The following C5AR1 variants were observed in gnomAD, a reference collection of about 807,000 sequenced individuals.
The protein encoded by C5AR1 is complement C5a receptor 1.
C5AR1 carries 4 observed loss-of-function variants against 2.4 expected under a neutral mutation model. The observed-to-expected ratio is 1.65, with a 90% CI of 0.81 to 3.77. C5AR1 has a LOEUF of 3.77. C5AR1 is among the 30% of genes most tolerant of loss of function. The probability of loss-of-function intolerance (pLI) is 0.01; values close to 1 mark genes in which losing one functional copy is unlikely to be tolerated. For synonymous variants in C5AR1, 209 were observed against 210.4 expected, an observed-to-expected ratio of 0.99 and a Z score of 0.06; for missense variants, 418 against 462.5, an observed-to-expected ratio of 0.90 and a Z score of 0.88.
In C5AR1 at chr19:47,320,289, C is replaced by A; in HGVS notation, c.512C>A (p.Ser171Tyr). 1 of 1,612,726 alleles carries A rather than the reference C, an allele frequency of 6.2e-7. No individual in the cohort carries two copies. Among genetic ancestry groups the A allele is most frequent in the Non-Finnish European group, 8.5e-7 (1 of 1,180,028 alleles). Reference sequence around the variant, plus strand: ...TTAGCCCTGCTGCTGACCATACCCTCCTTCCTGTACCGGGTGGTCCGGGAG... The same window carrying A: ...TTAGCCCTGCTGCTGACCATACCCTACTTCCTGTACCGGGTGGTCCGGGAG... ...WGLALLLTIPSFLYRVVREEY... is the reference protein window; with the variant it reads ...WGLALLLTIPYFLYRVVREEY... The change falls in exon 2 of 2, where the codon TCC becomes TAC. Residue 171 changes from serine to tyrosine, a missense_variant. Physicochemically the swap from Ser to Tyr is moderately radical, Grantham distance 144 (BLOSUM62 -2). Coordinates refer to ENST00000355085, the MANE Select transcript of C5AR1 (RefSeq NM_001736.4). This position sits in a 1 kb window ranked among gnomAD's most constrained non-coding sequence, Gnocchi z 4.9.
chr19:47,318,902 T>C, intron 1 of C5AR1, among the ~76,000 whole-genome samples: 1 of 148,980 alleles, frequency 6.7e-6, no homozygotes, highest in East Asian at 2.0e-4. Context: ...TTTTTTTTTT[T>C]TTAGATGGAG....
Position 47,314,013 on chromosome 19 carries a change from C to A in C5AR1, c.3+4115C>A, listed in dbSNP as rs546040291. Among the ~76,000 whole-genome samples, 284 of 152,196 alleles carry A rather than the reference C, an allele frequency of 1.9e-3. 1 individual carries two copies. Among genetic ancestry groups the A allele is most frequent in the African/African-American group, 6.6e-3 (276 of 41,534 alleles). Reference sequence around the variant, plus strand: ...GTAGGTACTGCGCCTTCTCCTTCACCCTGTTCTCATCCGATCGTTCACATC... The same window carrying A: ...GTAGGTACTGCGCCTTCTCCTTCACACTGTTCTCATCCGATCGTTCACATC... On this transcript the variant is annotated intron_variant, in intron 1 of 1. Transcript: ENST00000355085.
intron 1 of C5AR1, among the ~76,000 whole-genome samples, chr19:47,318,845 C>T (rs1156969919): frequency 1.3e-5 from 2 of 148,252 alleles, no homozygotes; most frequent in Non-Finnish European, 3.0e-5. Context: ...TCCTTCAGCT[C>T]TGTCTGGGAA....
chr19:47,312,974 G>A (rs1055721953), intron 1 of C5AR1, among the ~76,000 whole-genome samples: 1 of 151,990 alleles, frequency 6.6e-6, no homozygotes, highest in African/African-American at 2.4e-5. Flanking sequence ...CTAATATTTG[G>A]TCTGTTTTGT....
chr19:47,308,177 C>CACT (rs2122124504), upstream of C5AR1, among the ~76,000 whole-genome samples: 1 of 137,376 alleles, frequency 7.3e-6, no homozygotes, highest in East Asian at 2.3e-4. Flanking sequence ...CGTGCCACTG[C>CACT]ACTCTAGCCT....
upstream of C5AR1, among the ~76,000 whole-genome samples, chr19:47,308,393 A>G (rs907476502): frequency 8.6e-5 from 13 of 152,004 alleles, no homozygotes; most frequent in Non-Finnish European, 1.6e-4. Flanking sequence ...CTGATTCTAC[A>G]TTATGTTGAA....
rs1458436274 is a variant in C5AR1 at position 47,321,630 on chromosome 19, AC to A, written c.*801del. On this transcript the variant is annotated 3_prime_UTR_variant, in exon 2 of 2. Transcript: ENST00000355085. ...TCTCAAAAGCAAAGCAAAAACAAAA[AC>A]AAAAACACCTAAAAAACCTGCAGTT... 1 of 152,110 alleles carries A rather than the reference AC, an allele frequency of 6.6e-6. No individual in the cohort carries two copies. Among genetic ancestry groups the A allele is most frequent in the Non-Finnish European group, 1.5e-5 (1 of 68,016 alleles). The allele number at this position is 152,110 out of a possible 1,614,324, so 9.4% of individuals were successfully genotyped here.
intron 1 of C5AR1, among the ~76,000 whole-genome samples, chr19:47,315,831 T>C (rs944686056): frequency 6.6e-6 from 1 of 152,046 alleles, no homozygotes. Flanking sequence ...AACCTTCTAT[T>C]TGGAAATATT....
chr19:47,312,072 C>A (rs141760887), intron 1 of C5AR1, among the ~76,000 whole-genome samples: 3 of 152,116 alleles, frequency 2.0e-5, no homozygotes, highest in Admixed American at 1.3e-4. Context: ...CTGTCCTCTC[C>A]GTGCTTCTGT....
Position 47,321,760 on chromosome 19 carries a change from C to CA in C5AR1, c.*931dup, listed in dbSNP as rs1280815813. 6 of 152,108 alleles carry CA rather than the reference C, an allele frequency of 3.9e-5. No homozygotes were observed. The highest frequency in any genetic ancestry group is 8.8e-5 in the Non-Finnish European group (6 of 68,042). The allele number at this position is 152,108 out of a possible 1,614,324, so 9.4% of individuals were successfully genotyped here. The stretch of plus-strand genomic sequence containing the variant: ...AGAGGGATCTTGTGTACCCTTCACC[C>CA]AGCCTCCCCCAATGGCAACATCTTG... On this transcript the variant is annotated 3_prime_UTR_variant, in exon 2 of 2. Coordinates refer to ENST00000355085, the MANE Select transcript of C5AR1 (RefSeq NM_001736.4).
intron 1 of C5AR1, among the ~76,000 whole-genome samples, chr19:47,311,128 G>A (rs190383114): frequency 5.9e-5 from 9 of 152,150 alleles, no homozygotes; most frequent in Admixed American, 2.0e-4. Context: ...CTTGAGATCC[G>A]ACTTGGGCAA....
At chr19:47,314,275 T>C (rs2059279337) in intron 1 of C5AR1, among the ~76,000 whole-genome samples, 1 of 152,230 alleles carries the variant, frequency 6.6e-6, no homozygotes, top group Admixed American at 6.5e-5. Flanking sequence ...GGGAAGCACA[T>C]GGAATAGTGC....
Position 47,309,916 on chromosome 19 carries a change from A to G in C5AR1, c.3+18A>G, listed in dbSNP as rs767563852. 19 of 1,609,646 alleles carry G rather than the reference A, an allele frequency of 1.2e-5. No individual in the cohort carries two copies. The highest frequency in any genetic ancestry group is 1.5e-5 in the Non-Finnish European group (18 of 1,177,980). ...AGAACATGGTGAGTCTCGAAGGGGA[A>G]TGGGAGCAGGAAACTTTGTCCTGGG... On this transcript the variant is annotated intron_variant, in intron 1 of 1. Coordinates refer to ENST00000355085, the MANE Select transcript of C5AR1 (RefSeq NM_001736.4).
At chr19:47,314,089 A>G (rs2122132732) in intron 1 of C5AR1, among the ~76,000 whole-genome samples, 2 of 152,272 alleles carry the variant, frequency 1.3e-5, no homozygotes, top group South Asian at 4.1e-4. Context: ...CGTCACCTGG[A>G]CAGTTCCAAT....
chr19:47,314,190 A>G (rs1249186866), intron 1 of C5AR1, among the ~76,000 whole-genome samples: 1 of 152,138 alleles, frequency 6.6e-6, no homozygotes, highest in African/African-American at 2.4e-5. Context: ...TTTAGGAAGA[A>G]TAATAGTACC....
At chr19:47,315,433 G>T (rs1040437908) in intron 1 of C5AR1, among the ~76,000 whole-genome samples, 1 of 152,156 alleles carries the variant, frequency 6.6e-6, no homozygotes, top group Non-Finnish European at 1.5e-5. Flanking sequence ...GGCAGGAACG[G>T]AGCTTTGTCA....
In C5AR1 at chr19:47,315,466, G is replaced by A. The variant is rs372520330; in HGVS notation, c.4-4315G>A. Among the ~76,000 whole-genome samples, 27 of 152,310 alleles carry A rather than the reference G, an allele frequency of 1.8e-4. 1 individual carries two copies. In the South Asian group the frequency reaches 4.8e-3, roughly 27 times the overall value. On this transcript the variant is annotated intron_variant, in intron 1 of 1. Transcript: ENST00000355085. ...TCAGCTGATGAGGGAGTGACAAGGC[G>A]ATGTCAGAGCAGAGGGTGGGGAGGC... is the stretch of plus-strand genomic sequence containing the variant.
chr19:47,314,978 G>A (rs938865088), intron 1 of C5AR1, among the ~76,000 whole-genome samples: 4 of 152,158 alleles, frequency 2.6e-5, no homozygotes, highest in African/African-American at 9.7e-5. Flanking sequence ...ACAGGCGTGA[G>A]CCACCACGCC....
chr19:47,319,444 G>A (rs1368760352), intron 1 of C5AR1, among the ~76,000 whole-genome samples: 1 of 151,556 alleles, frequency 6.6e-6, no homozygotes, highest in Non-Finnish European at 1.5e-5. Flanking sequence ...GAGTAGCTGG[G>A]ACTACAGGCA....
Sources: gnomAD v4.1 joint callset for allele counts (sites outside exome capture counted in the v4.1 genomes callset) on GRCh38, gnomAD v4.1.1 for gene constraint, Gnocchi (gnomAD v3.1) non-coding constraint, MANE v1.5 for transcripts, NCBI Gene and HGNC (gene_info 2026-07-23, HGNC 2026-07-21) for gene names.